CMIP: variants seen among roughly 807,000 people sequenced by gnomAD.
CMIP encodes the protein C-Maf-inducing protein.
CMIP carries 13 observed loss-of-function variants against 97.3 expected under a neutral mutation model. That is an observed-to-expected ratio of 0.13 (90% CI 0.09 to 0.21). CMIP has a LOEUF of 0.21. Ranked by LOEUF, CMIP falls within the 10% of genes least tolerant of loss-of-function variation. The pLI is 1.00. For synonymous variants in CMIP, 538 were observed against 436.3 expected (o/e 1.23, Z -2.91); for missense variants, 847 against 1,024.9 (o/e 0.83, Z 2.37).
intron 1 of CMIP, among the ~76,000 whole-genome samples, chr16:81,600,105 C>G (rs375423278): frequency 2.6e-5 from 4 of 151,752 alleles, no homozygotes; most frequent in Admixed American, 2.6e-4. Context: ...ATGGTGAAAC[C>G]CTGTCTCTAC....
At chr16:81,517,951 G>T (rs2089948133) in intron 1 of CMIP, 1 of 979,116 alleles carries the variant, frequency 1.0e-6, no homozygotes, top group Admixed American at 6.1e-5. Context: ...CTAGGAAAAT[G>T]AACGCCAGTG....
rs1046067408 is a variant in CMIP at position 81,616,687 on chromosome 16, C to G, written c.427-4189C>G. Among the ~76,000 whole-genome samples the G allele has an allele frequency of 6.6e-6, 1 of 152,188 alleles. No homozygotes were observed. The highest frequency in any genetic ancestry group is 1.5e-5 in the Non-Finnish European group (1 of 68,034). ...AGTGGAACAGAAGTGGCCAGAAAGCCAAGTGTGGCTGGGGAAGGGGGTCAC... is the reference window on the plus strand; with the variant it reads ...AGTGGAACAGAAGTGGCCAGAAAGCGAAGTGTGGCTGGGGAAGGGGGTCAC... On this transcript the variant is annotated intron_variant, in intron 2 of 20. Transcript: ENST00000537098. This position sits in a 1 kb window ranked among gnomAD's most constrained non-coding sequence, Gnocchi z 4.7.
At chr16:81,567,391 C>T (rs1408075090) in intron 1 of CMIP, among the ~76,000 whole-genome samples, 1 of 152,236 alleles carries the variant, frequency 6.6e-6, no homozygotes, top group Non-Finnish European at 1.5e-5. Context: ...GGGAGGGTGG[C>T]CTGGCCACAT....
chr16:81,556,002 G>T (rs1015896102), intron 1 of CMIP, among the ~76,000 whole-genome samples: 3 of 152,188 alleles, frequency 2.0e-5, no homozygotes, highest in South Asian at 2.1e-4. Context: ...ACTTTTCTTA[G>T]AATTTGAGTC....
intron 1 of CMIP, among the ~76,000 whole-genome samples, chr16:81,551,527 C>T (rs1247724794): frequency 6.6e-6 from 1 of 152,186 alleles, no homozygotes; most frequent in Non-Finnish European, 1.5e-5. Context: ...GTCGGGCCAG[C>T]CATGTCAGTG....
At chr16:81,654,091 C>T (rs953584479) in intron 4 of CMIP, among the ~76,000 whole-genome samples, 2 of 152,186 alleles carry the variant, frequency 1.3e-5, no homozygotes, top group Non-Finnish European at 2.9e-5. Context: ...GCTCAACCAC[C>T]ACCACACCCT....
rs1398705438 is a variant in CMIP, at chr16:81,655,897, G to A, written c.640-1878G>A. Among the ~76,000 whole-genome samples the A allele has an allele frequency of 1.3e-5, 2 of 152,146 alleles. No individual in the cohort carries two copies. Among genetic ancestry groups the A allele is most frequent in the African/African-American group, 4.8e-5 (2 of 41,428 alleles). On this transcript the variant is annotated intron_variant, in intron 4 of 20. Coordinates refer to ENST00000537098, the MANE Select transcript of CMIP (RefSeq NM_198390.3). This position sits in a 1 kb window ranked among gnomAD's most constrained non-coding sequence, Gnocchi z 4.9. The stretch of plus-strand genomic sequence containing the variant: ...CCTGTCATAATCAAAAGAAATTGGT[G>A]GCATGAGCAAAACAAAGCTCTTACA...
intron 3 of CMIP, among the ~76,000 whole-genome samples, chr16:81,641,035 G>A (rs1488805576): frequency 6.6e-6 from 1 of 152,046 alleles, no homozygotes; most frequent in African/African-American, 2.4e-5. Context: ...GAGGCTTGTG[G>A]GTGAGAACCT....
intron 2 of CMIP, among the ~76,000 whole-genome samples, chr16:81,609,345 C>T (rs1191502880): frequency 2.0e-5 from 3 of 152,226 alleles, no homozygotes; most frequent in African/African-American, 4.8e-5. Flanking sequence ...GCACAGAGTC[C>T]ATGAAGGGGG....
intron 3 of CMIP, among the ~76,000 whole-genome samples, chr16:81,636,306 G>A (rs528133167): frequency 2.6e-5 from 4 of 152,144 alleles, no homozygotes; most frequent in Admixed American, 1.3e-4. Context: ...ATTCTGGCCC[G>A]GTGTGGTGGC....
At chr16:81,599,255 C>T (rs746305319) in intron 1 of CMIP, among the ~76,000 whole-genome samples, 1 of 152,072 alleles carries the variant, frequency 6.6e-6, no homozygotes, top group African/African-American at 2.4e-5. Context: ...GTCATATTAC[C>T]TGAGGGAAAC....
intron 1 of CMIP, among the ~76,000 whole-genome samples, chr16:81,535,466 C>CTT (rs34961950): frequency 8.9e-5 from 12 of 134,406 alleles, no homozygotes; most frequent in Admixed American, 1.5e-4. Context: ...CACTGGAATG[C>CTT]TTTTTTTTTT....
rs574613606 is a variant in CMIP at position 81,560,196 on chromosome 16, T to G, written c.301-47371T>G. Among the ~76,000 whole-genome samples the G allele has an allele frequency of 1.0e-4, 13 of 126,174 alleles. No homozygotes were observed. In the East Asian group the frequency reaches 1.8e-3, roughly 18 times the overall value. 82.8% of individuals were successfully genotyped at this position (126,174 alleles called of 152,430 possible). ...AAAAAGTTGTGTGTTTTTTTGGTTTTGTTTTGTTTTGTTTTTGTTTTGTTT... is the reference window on the plus strand; with the variant it reads ...AAAAAGTTGTGTGTTTTTTTGGTTTGGTTTTGTTTTGTTTTTGTTTTGTTT... On this transcript the variant is annotated intron_variant, in intron 1 of 20. Coordinates refer to ENST00000537098, the MANE Select transcript of CMIP (RefSeq NM_198390.3).
intron 1 of CMIP, among the ~76,000 whole-genome samples, chr16:81,585,011 T>C (rs2091358572): frequency 6.6e-6 from 1 of 152,246 alleles, no homozygotes. Context: ...TTCTTTTTCA[T>C]TGAGGTGAAA....
intron 1 of CMIP, among the ~76,000 whole-genome samples, chr16:81,484,190 C>T (rs1004175317): frequency 1.5e-4 from 23 of 152,138 alleles, no homozygotes; most frequent in Admixed American, 1.3e-4. Flanking sequence ...AGGTGGAAGT[C>T]GCCCTTCCCT....
At chr16:81,587,252 A>C (rs1419153335) in intron 1 of CMIP, among the ~76,000 whole-genome samples, 1 of 152,322 alleles carries the variant, frequency 6.6e-6, no homozygotes, top group East Asian at 1.9e-4. Context: ...GCTGGGGTCC[A>C]CTCTGATGGG....
At chr16:81,609,686 G>C (rs578174966) in intron 2 of CMIP, among the ~76,000 whole-genome samples, 3 of 152,242 alleles carry the variant, frequency 2.0e-5, no homozygotes, top group Admixed American at 6.5e-5. Flanking sequence ...ATTTGAACTG[G>C]GTGTAGAGGG....
At chr16:81,618,238 T>C (rs1016564879) in intron 2 of CMIP, among the ~76,000 whole-genome samples, 1 of 152,232 alleles carries the variant, frequency 6.6e-6, no homozygotes. Flanking sequence ...ATGTTCCTTC[T>C]GGAGGCTCTC....
chr16:81,605,091 C>G (rs1364733896), intron 1 of CMIP, among the ~76,000 whole-genome samples: 3 of 152,148 alleles, frequency 2.0e-5, no homozygotes, highest in African/African-American at 7.2e-5. Flanking sequence ...CAGAACCAAC[C>G]ACCAAGCCCT....
Sources: gnomAD v4.1 joint callset for allele counts (sites outside exome capture counted in the v4.1 genomes callset) on GRCh38, gnomAD v4.1.1 for gene constraint, Gnocchi (gnomAD v3.1) non-coding constraint, MANE v1.5 for transcripts, NCBI Gene and HGNC (gene_info 2026-07-23, HGNC 2026-07-21) for gene names.